The following KHDRBS2 variants were observed in gnomAD, a reference collection of about 807,000 sequenced individuals.
KHDRBS2 encodes the protein KH domain-containing, RNA-binding, signal transduction-associated protein 2.
Under a neutral mutation model 44.3 loss-of-function variants are expected in KHDRBS2, and 26 were observed. That is an observed-to-expected ratio of 0.59 (90% CI 0.43 to 0.81). The LOEUF (loss-of-function observed/expected upper bound fraction) is 0.81. Among genes scored for constraint, KHDRBS2 ranks in the 40% least tolerant of loss-of-function variants. The pLI is 0.00. For synonymous variants in KHDRBS2, 194 were observed against 151.1 expected (o/e 1.28, Z -2.08); for missense variants, 476 against 433.1 (o/e 1.10, Z -0.88).
the KHDRBS2 span, among the ~76,000 whole-genome samples, chr6:61,621,957 G>C: frequency 8.5e-5 from 13 of 152,090 alleles, no homozygotes; most frequent in African/African-American, 2.4e-5. Flanking sequence ...AAGAAGCTTC[G>C]ACCTCAGTTA....
the KHDRBS2 span, among the ~76,000 whole-genome samples, chr6:61,569,875 C>T: frequency 1.9e-4 from 29 of 152,198 alleles, no homozygotes; most frequent in Admixed American, 3.9e-4. Flanking sequence ...AGGGGAAAGA[C>T]GAGAACACCA....
chr6:61,906,589 T>C (rs1805073070), intron 4 of KHDRBS2, among the ~76,000 whole-genome samples: 1 of 152,156 alleles, frequency 6.6e-6, no homozygotes, highest in Non-Finnish European at 1.5e-5. Context: ...ATCATTCTAC[T>C]CTATCTCCAT....
At chr6:62,264,815 T>C (rs1838932677) in intron 1 of KHDRBS2, among the ~76,000 whole-genome samples, 1 of 151,714 alleles carries the variant, frequency 6.6e-6, no homozygotes, top group South Asian at 2.1e-4. Context: ...CTTATTATAG[T>C]CATTGAATCA....
chr6:61,989,985 T>A (rs1395819734), intron 3 of KHDRBS2, among the ~76,000 whole-genome samples: 1 of 152,234 alleles, frequency 6.6e-6, no homozygotes, highest in Non-Finnish European at 1.5e-5. Flanking sequence ...GGCTAACTTG[T>A]ATGTTCTTTC....
intron 7 of KHDRBS2, among the ~76,000 whole-genome samples, chr6:61,706,149 A>G (rs1344988993): frequency 6.6e-6 from 1 of 151,724 alleles, no homozygotes; most frequent in Non-Finnish European, 1.5e-5. Flanking sequence ...TCATTGCATC[A>G]CCATTGATCA....
At chr6:61,998,580 T>C (rs537548780) in intron 3 of KHDRBS2, among the ~76,000 whole-genome samples, 73 of 152,244 alleles carry the variant, frequency 4.8e-4, no homozygotes, top group African/African-American at 1.7e-3. Context: ...GGAGGTCACT[T>C]TAAACCAAAA....
chr6:61,627,564 A>G, the KHDRBS2 span, among the ~76,000 whole-genome samples: 5 of 152,166 alleles, frequency 3.3e-5, no homozygotes, highest in African/African-American at 4.8e-5. Flanking sequence ...AGGAGGCTGA[A>G]TTTTGAGTTC....
intron 1 of KHDRBS2, among the ~76,000 whole-genome samples, chr6:62,249,548 A>C (rs2150173569): frequency 6.6e-6 from 1 of 152,192 alleles, no homozygotes; most frequent in East Asian, 1.9e-4. Flanking sequence ...GGCAAACATT[A>C]ATTTTCTCTT....
the KHDRBS2 span, among the ~76,000 whole-genome samples, chr6:61,587,360 T>TA: frequency 8.8e-6 from 1 of 113,514 alleles, no homozygotes; most frequent in African/African-American, 3.4e-5. Flanking sequence ...ACAGCTTTTT[T>TA]TTATCTCTCT....
the KHDRBS2 span, among the ~76,000 whole-genome samples, chr6:61,606,043 T>C: frequency 1.3e-3 from 198 of 152,242 alleles, 1 homozygote; most frequent in African/African-American, 4.3e-3. Context: ...TCATCCTTGC[T>C]CAAAAGCTCC....
the KHDRBS2 span, among the ~76,000 whole-genome samples, chr6:61,565,674 G>C: frequency 6.6e-6 from 1 of 152,092 alleles, no homozygotes; most frequent in African/African-American, 2.4e-5. Flanking sequence ...TGGTGAGGAT[G>C]TAAAGAAAGG....
At chr6:61,630,364 A>AAAG in the KHDRBS2 span, 89,103 of 151,220 alleles carry the variant, frequency 0.59, 26,430 homozygotes, top group African/African-American at 0.61. Context: ...GAGCAAAAGC[A>AAAG]AAGGTGAATG....
intron 1 of KHDRBS2, among the ~76,000 whole-genome samples, chr6:62,201,867 C>T (rs71568790): frequency 1.1e-3 from 171 of 151,958 alleles, no homozygotes; most frequent in Middle Eastern, 6.8e-3. Flanking sequence ...TTCAAAGTTA[C>T]GCACGTTCGT....
chr6:62,098,887 T>C (rs2127371045), intron 2 of KHDRBS2, among the ~76,000 whole-genome samples: 1 of 152,252 alleles, frequency 6.6e-6, no homozygotes, highest in African/African-American at 2.4e-5. Flanking sequence ...GGCTCACTAT[T>C]TTTTTCTTCT....
At chr6:62,198,060 T>C (rs545920664) in intron 1 of KHDRBS2, among the ~76,000 whole-genome samples, 2 of 151,810 alleles carry the variant, frequency 1.3e-5, no homozygotes, top group East Asian at 3.9e-4. Context: ...ACACAACATA[T>C]CAGAATCTCG....
chr6:61,957,523 T>C (rs1201796201), intron 4 of KHDRBS2, among the ~76,000 whole-genome samples: 1 of 152,160 alleles, frequency 6.6e-6, no homozygotes. Context: ...TGGCTGTCTT[T>C]TACGGTCATA....
intron 4 of KHDRBS2, among the ~76,000 whole-genome samples, chr6:61,954,354 T>TGCATACATATATACGTATGTATGC (rs1554289643): frequency 0.016 from 1,360 of 86,660 alleles, 316 homozygotes; most frequent in East Asian, 0.031. Flanking sequence ...TATACATATG[T>TGCATACATATATACGTATGTATGC]ATGCATACAT....
At chr6:62,265,050 T>A (rs1225767921) in intron 1 of KHDRBS2, among the ~76,000 whole-genome samples, 1 of 151,890 alleles carries the variant, frequency 6.6e-6, no homozygotes, top group Non-Finnish European at 1.5e-5. Flanking sequence ...CACAGGAAAT[T>A]TGCATTTTTG....
rs72884468 is a variant in KHDRBS2 at position 62,008,495 on chromosome 6, C to T, written c.337-30283G>A. ...TATGATTATCCTTATTACAAGTCTA[C>T]AGATTTGAAGTATAATCAATACAGG... On this transcript the variant is annotated intron_variant, in intron 3 of 8. Transcript: ENST00000281156. Among the ~76,000 whole-genome samples, 1,229 of 152,240 alleles carry T rather than the reference C, an allele frequency of 8.1e-3. 13 individuals are homozygous for T. Among genetic ancestry groups the T allele is most frequent in the Non-Finnish European group, 0.012 (793 of 68,018 alleles).
Sources: allele counts gnomAD v4.1 joint callset (sites outside exome capture counted in the v4.1 genomes callset), GRCh38; gene constraint gnomAD v4.1.1; transcripts MANE v1.5; gene names NCBI Gene and HGNC (gene_info 2026-07-23, HGNC 2026-07-21).